Variants in MGAM observed in about 807,000 individuals in gnomAD.
The protein encoded by MGAM is alpha-1,4-glucosidase.
A neutral mutation model predicts 358.8 loss-of-function variants in MGAM; 253 were observed. The observed-to-expected ratio is 0.71, with a 90% CI of 0.64 to 0.78. The LOEUF is 0.78. Ranked by LOEUF, MGAM falls within the 30% of genes least tolerant of loss-of-function variation. The pLI is 0.00. For missense variants in MGAM, 3,080 were observed against 3,432.6 expected (o/e 0.90, Z 2.57); for synonymous variants, 1,105 against 1,227.1 (o/e 0.90, Z 2.08).
rs77453293 is a variant in MGAM at position 141,996,300 on chromosome 7, C to CAA, written c.-3+384_-3+385dup. On this transcript the variant is annotated intron_variant, in intron 1 of 70. Coordinates refer to ENST00000475668, the MANE Select transcript of MGAM (RefSeq NM_001365693.1). ...TGGGTCGTAGAGCGATACTCCGTCT[C>CAA]AAAAAAAAAAAAAAAGCCCTTGTTA... Among the ~76,000 whole-genome samples, 17 of 77,564 alleles carry CAA rather than the reference C, an allele frequency of 2.2e-4. No individual in the cohort carries two copies. The South Asian group carries it at 2.5e-3, about 12-fold the overall frequency. 50.9% of individuals were successfully genotyped at this position (77,564 alleles called of 152,430 possible).
intron 21 of MGAM, among the ~76,000 whole-genome samples, chr7:142,045,724 A>T (rs1164477816): frequency 1.2e-5 from 1 of 80,082 alleles, no homozygotes; most frequent in Non-Finnish European, 2.3e-5. Flanking sequence ...TATAATATAT[A>T]CATACAATGT....
chr7:142,072,097 G>C (rs1479042720), intron 44 of MGAM, among the ~76,000 whole-genome samples: 3 of 146,126 alleles, frequency 2.1e-5, no homozygotes, highest in Non-Finnish European at 3.1e-5. Context: ...GTTCTGTACA[G>C]TGATACCAAA....
At position 142,045,465 on chromosome 7, in the gene MGAM, T is replaced by C. The variant is rs1317587931; in HGVS notation, c.2499-2320T>C. 3.6e-5 allele frequency among the ~76,000 whole-genome samples: 4 copies of C among 111,358 alleles called. No homozygotes were observed. In the East Asian group the frequency reaches 7.6e-4, roughly 21 times the overall value. 73.1% of individuals were successfully genotyped at this position (111,358 alleles called of 152,430 possible). On this transcript the variant is annotated intron_variant, in intron 21 of 70. Transcript: ENST00000475668. ...TATATACCTATAATACATGATATAT[T>C]ATATATATTATATATACATACAATA...
intron 2 of MGAM, among the ~76,000 whole-genome samples, chr7:142,006,379 C>A (rs558156357): frequency 1.3e-5 from 2 of 152,150 alleles, no homozygotes; most frequent in East Asian, 3.9e-4. Flanking sequence ...GAAGCTTTCC[C>A]GGGCATTTTT....
upstream of MGAM, among the ~76,000 whole-genome samples, chr7:141,992,811 G>A (rs1385656964): frequency 6.6e-6 from 1 of 152,048 alleles, no homozygotes; most frequent in Non-Finnish European, 1.5e-5. Flanking sequence ...TTGAACTCCT[G>A]GGCTCAAGTG....
Position 142,050,770 on chromosome 7 carries a change from T to G in MGAM, c.2711T>G (p.Ile904Ser). ...AATTTAGCATTTAATGAGATTAAAA[T>G]TCTTGGGACGGAGGAACCTAGCAAT... Reference protein sequence around the residue: ...PNNLAFNEIKILGTEEPSNVT... With the variant: ...PNNLAFNEIKSLGTEEPSNVT... Residue 904 changes from isoleucine (I) to serine (S), a missense_variant, in exon 24 of 71, where the codon ATT becomes AGT. By Grantham distance (142) the Ile-to-Ser change is moderately radical. Transcript: ENST00000475668. The G allele has an allele frequency of 6.2e-7, 1 of 1,613,860 alleles. No homozygotes were observed. Among genetic ancestry groups the G allele is most frequent in the Non-Finnish European group, 8.5e-7 (1 of 1,179,790 alleles).
intron 21 of MGAM, among the ~76,000 whole-genome samples, chr7:142,043,112 C>A (rs1809271685): frequency 3.9e-4 from 16 of 40,666 alleles, no homozygotes; most frequent in African/African-American, 5.6e-4. Flanking sequence ...CATATAATAT[C>A]TAAATATAAT....
intron 2 of MGAM, 66 bp downstream of exon 2, chr7:142,005,723 A>C: frequency 1.3e-6 from 2 of 1,482,488 alleles, no homozygotes; most frequent in Non-Finnish European, 1.8e-6. Context: ...CAACAATGTC[A>C]GGAAAGTAAT....
At chr7:142,025,017 T>G (rs10274045) in intron 7 of MGAM, 33 bp from the exon 8 acceptor site, 31,141 of 1,516,076 alleles carry the variant, frequency 0.021, 1,246 homozygotes, top group East Asian at 0.14. Flanking sequence ...ACTTCTTAGT[T>G]GTAAATTTTG....
intron 21 of MGAM, among the ~76,000 whole-genome samples, chr7:142,042,223 A>G: frequency 3.2e-4 from 2 of 6,228 alleles, no homozygotes; most frequent in African/African-American, 2.8e-3. Context: ...ATATATACAT[A>G]TAATATATAA....
rs377398982 is a variant in MGAM at position 142,067,499 on chromosome 7, C to G, written c.5004+74C>G. 6.6e-4 allele frequency: 787 copies of G among 1,195,316 alleles called. 54 individuals are homozygous for G. The highest frequency in any genetic ancestry group is 4.5e-3 in the African/African-American group (304 of 67,420). The allele number at this position is 1,195,316 out of a possible 1,614,324, so 74.0% of individuals were successfully genotyped here. On this transcript the variant is annotated intron_variant, in intron 42 of 70. Coordinates refer to ENST00000475668, the MANE Select transcript of MGAM (RefSeq NM_001365693.1). ...GGGGAAAAGGACGAGGAGAAGAGGC[C>G]TGAGCTGGTGGGGGTCCTGAGACAT... is the stretch of plus-strand genomic sequence containing the variant.
At position 142,019,605 on chromosome 7, in the gene MGAM, T is replaced by C. The variant is rs538439670; in HGVS notation, c.448+286T>C. ...ATTTTTGTTTTCAAGTTTATCCCTT[T>C]TAAAGTGGGGGATTTGAAATTGGTA... is the stretch of plus-strand genomic sequence containing the variant. On this transcript the variant is annotated intron_variant, in intron 4 of 70. Transcript: ENST00000475668. Among the ~76,000 whole-genome samples the C allele has an allele frequency of 1.6e-4, 25 of 152,360 alleles. No homozygotes were observed. The South Asian group carries it at 5.2e-3, about 32-fold the overall frequency.
chr7:142,023,360 C>A (rs1806640427), intron 7 of MGAM, among the ~76,000 whole-genome samples: 1 of 151,970 alleles, frequency 6.6e-6, no homozygotes, highest in South Asian at 2.1e-4. Flanking sequence ...CCACTGTGCC[C>A]AGCTGGGCTT....
intron 70 of MGAM, among the ~76,000 whole-genome samples, chr7:142,104,560 A>G (rs1405941352): frequency 6.6e-6 from 1 of 152,216 alleles, no homozygotes; most frequent in East Asian, 1.9e-4. Flanking sequence ...AACACACTTT[A>G]TATACATTTT....
In MGAM at chr7:142,106,530, A is replaced by T. The variant is rs1816869792; in HGVS notation, c.*639A>T. 1 of 152,350 alleles carries T rather than the reference A, an allele frequency of 6.6e-6. No individual in the cohort carries two copies. Among genetic ancestry groups the T allele is most frequent in the South Asian group, 2.1e-4 (1 of 4,816 alleles). The allele number at this position is 152,350 out of a possible 1,614,324, so 9.4% of individuals were successfully genotyped here. A position where few individuals can be genotyped will look rare whatever the true frequency, so the allele number is the denominator to read the frequency against. ...GGAAGAGTCAACTCACTTGAAGAAGAGGGTCTTGAGAAATCCTTAGCATAA... is the reference window on the plus strand; with the variant it reads ...GGAAGAGTCAACTCACTTGAAGAAGTGGGTCTTGAGAAATCCTTAGCATAA... On this transcript the variant is annotated 3_prime_UTR_variant, in exon 71 of 71. Coordinates refer to ENST00000475668, the MANE Select transcript of MGAM (RefSeq NM_001365693.1).
upstream of MGAM, among the ~76,000 whole-genome samples, chr7:141,991,434 G>T (rs534018446): frequency 2.0e-5 from 3 of 151,298 alleles, no homozygotes; most frequent in East Asian, 3.9e-4. Flanking sequence ...ATGGAGAAAA[G>T]GATTTTTTTT....
At chr7:142,088,996 G>GTATGTATATATATATC (rs771119657) in intron 57 of MGAM, among the ~76,000 whole-genome samples, 1 of 117,970 alleles carries the variant, frequency 8.5e-6, no homozygotes, top group African/African-American at 2.9e-5. Flanking sequence ...ATGTATGTAT[G>GTATGTATATATATATC]TATCTATCTA....
At chr7:142,093,668 A>ACAGTTGTCATGAG in intron 60 of MGAM, 118 bp downstream of exon 60, 1 of 1,136,836 alleles carries the variant, frequency 8.8e-7, no homozygotes, top group Non-Finnish European at 1.2e-6. Flanking sequence ...TTCTCATGAC[A>ACAGTTGTCATGAG]ACTGTGTAAT....
At position 142,065,318 on chromosome 7, in the gene MGAM, T is replaced by C; in HGVS notation, c.4485-17T>C. 6.2e-7 allele frequency: 1 copy of C among 1,603,416 alleles called. No homozygotes were observed. Among genetic ancestry groups the C allele is most frequent in the Non-Finnish European group, 8.5e-7 (1 of 1,175,662 alleles). On this transcript the variant is annotated splice_polypyrimidine_tract_variant and intron_variant, in intron 37 of 70. Transcript: ENST00000475668. Reference sequence around the variant, plus strand: ...CTGGCTGTTGCCTCAGTTCACCTCCTGTTCCCTTCCAAGCAGAGCCGTGCA... The same window carrying C: ...CTGGCTGTTGCCTCAGTTCACCTCCCGTTCCCTTCCAAGCAGAGCCGTGCA...
Sources: allele counts gnomAD v4.1 joint callset (sites outside exome capture counted in the v4.1 genomes callset), GRCh38; gene constraint gnomAD v4.1.1; transcripts MANE v1.5; gene names NCBI Gene and HGNC (gene_info 2026-07-23, HGNC 2026-07-21).